PPP2R2B: variants seen among roughly 807,000 people sequenced by gnomAD.
PPP2R2B encodes the protein serine/threonine-protein phosphatase 2A 55 kDa regulatory subunit B beta isoform.
A neutral mutation model predicts 46.0 loss-of-function variants in PPP2R2B; 5 were observed. That is an observed-to-expected ratio of 0.11 (90% CI 0.06 to 0.23). PPP2R2B has a LOEUF of 0.23. PPP2R2B is among the 10% of genes least tolerant of loss of function. The pLI is 1.00. For synonymous variants in PPP2R2B, 215 were observed against 206.7 expected, an observed-to-expected ratio of 1.04 and a Z score of -0.34; for missense variants, 367 against 575.0, an observed-to-expected ratio of 0.64 and a Z score of 3.70.
intron 7 of PPP2R2B, among the ~76,000 whole-genome samples, chr5:146,626,570 T>C (rs1437798164): frequency 6.6e-6 from 1 of 152,198 alleles, no homozygotes; most frequent in Non-Finnish European, 1.5e-5. Context: ...GGGCATTTCC[T>C]TGACTGGGTT....
intron 5 of PPP2R2B, among the ~76,000 whole-genome samples, chr5:146,671,635 T>C (rs1006789509): frequency 6.6e-6 from 1 of 152,222 alleles, no homozygotes; most frequent in African/African-American, 2.4e-5. Context: ...AAGCAGATAC[T>C]ATAAGTGACG....
intron 2 of PPP2R2B, among the ~76,000 whole-genome samples, chr5:146,801,530 G>C (rs1756865294): frequency 6.6e-6 from 1 of 152,158 alleles, no homozygotes; most frequent in Admixed American, 6.5e-5. Context: ...GAGCACAGAA[G>C]ATGCCCTTGG....
intron 5 of PPP2R2B, among the ~76,000 whole-genome samples, chr5:146,690,261 T>C (rs1292655000): frequency 1.3e-5 from 2 of 152,182 alleles, no homozygotes; most frequent in African/African-American, 4.8e-5. Context: ...GAGCTCATCA[T>C]CCAGTCCTAA....
intron 2 of PPP2R2B, among the ~76,000 whole-genome samples, chr5:146,724,255 G>A (rs963890732): frequency 2.0e-4 from 30 of 151,616 alleles, no homozygotes; most frequent in Non-Finnish European, 2.8e-4. Context: ...GTGATCCAGT[G>A]TATTCGATGG....
intron 1 of PPP2R2B, among the ~76,000 whole-genome samples, chr5:146,900,354 T>C (rs1164263546): frequency 1.3e-5 from 2 of 152,122 alleles, no homozygotes; most frequent in Admixed American, 6.5e-5. Flanking sequence ...GAAGATACAA[T>C]GTAGAAACAG....
intron 1 of PPP2R2B, among the ~76,000 whole-genome samples, chr5:146,915,646 A>G (rs319164): frequency 0.021 from 3,183 of 152,226 alleles, 109 homozygotes; most frequent in African/African-American, 0.073. Context: ...AAGAAACATA[A>G]TATTTCCTTA....
chr5:147,003,640 T>C lies in PPP2R2B; in HGVS notation c.79+52025A>G, dbSNP rs529583453. On this transcript the variant is annotated intron_variant, in intron 1 of 8. Coordinates refer to the PPP2R2B transcript ENST00000336640. ...ATGACAGCTGAAGAAAGGGACAAAT[T>C]CTCTACCAGTCAGCAAGCCATCCCC... Among the ~76,000 whole-genome samples, 3 of 152,228 alleles carry C rather than the reference T, an allele frequency of 2.0e-5. No individual in the cohort carries two copies. The South Asian group carries it at 6.2e-4, about 32-fold the overall frequency.
intron 7 of PPP2R2B, among the ~76,000 whole-genome samples, chr5:146,636,722 G>C (rs1306130967): frequency 6.6e-6 from 1 of 152,232 alleles, no homozygotes; most frequent in Non-Finnish European, 1.5e-5. Context: ...ATACATGACA[G>C]CATAAACTTT....
rs143335114 is a variant in PPP2R2B, at chr5:146,661,094, A to G, written c.448-10370T>C. Among the ~76,000 whole-genome samples the G allele has an allele frequency of 7.0e-4, 107 of 152,320 alleles. 1 individual carries two copies. In the East Asian group the frequency reaches 0.017, roughly 24 times the overall value. On this transcript the variant is annotated intron_variant, in intron 5 of 9. Coordinates refer to ENST00000394411, the MANE Select transcript of PPP2R2B (RefSeq NM_181675.4). ...CAGGGCCATAAGCATTCAATCCTCT[A>G]AATCAGTGTTTCTCAATTAGGAGCG...
At chr5:146,890,059 T>C (rs1372170638) in intron 1 of PPP2R2B, among the ~76,000 whole-genome samples, 1 of 152,238 alleles carries the variant, frequency 6.6e-6, no homozygotes, top group Non-Finnish European at 1.5e-5. Context: ...TCTTAACTTT[T>C]GTTTTGCGTC....
chr5:146,872,719 T>C (rs1761685522), intron 2 of PPP2R2B, among the ~76,000 whole-genome samples: 1 of 152,234 alleles, frequency 6.6e-6, no homozygotes, highest in African/African-American at 2.4e-5. Flanking sequence ...TGGACTCTTC[T>C]TATCCTACCA....
chr5:146,662,753 C>A (rs322977), intron 5 of PPP2R2B, among the ~76,000 whole-genome samples: 110,945 of 151,852 alleles, frequency 0.73, 42,867 homozygotes, highest in Non-Finnish European at 0.86. Context: ...TTTTTATAAT[C>A]ATAAAAAGAA....
rs1288989877 is a variant in PPP2R2B, at chr5:146,583,392, C to T, written c.*6555G>A. The T allele has an allele frequency of 1.3e-5, 2 of 152,220 alleles. No individual in the cohort carries two copies. The highest frequency in any genetic ancestry group is 2.9e-5 in the Non-Finnish European group (2 of 68,040). The allele number at this position is 152,220 out of a possible 1,614,324, so 9.4% of individuals were successfully genotyped here. A position where few individuals can be genotyped will look rare whatever the true frequency, so the allele number is the denominator to read the frequency against. On this transcript the variant is annotated 3_prime_UTR_variant, in exon 10 of 10. Transcript: ENST00000394411. ...ATATTAAATCATGCAATCTTCACAG[C>T]AATTTTATGAGATAGATGTCGTTTT...
At chr5:147,005,105 C>T (rs947563998) in intron 1 of PPP2R2B, among the ~76,000 whole-genome samples, 1 of 152,148 alleles carries the variant, frequency 6.6e-6, no homozygotes, top group African/African-American at 2.4e-5. Context: ...GTGTGAGGCC[C>T]TCAACCCTGC....
At chr5:146,926,361 T>C (rs752475543) in intron 1 of PPP2R2B, among the ~76,000 whole-genome samples, 1 of 152,064 alleles carries the variant, frequency 6.6e-6, no homozygotes, top group African/African-American at 2.4e-5. Flanking sequence ...AAAATATATA[T>C]ACATTCCTGA....
At chr5:146,675,105 G>A (rs1777621642) in intron 5 of PPP2R2B, among the ~76,000 whole-genome samples, 1 of 152,078 alleles carries the variant, frequency 6.6e-6, no homozygotes. Context: ...GGGATTACAG[G>A]CATGCGCCAC....
Position 146,695,721 on chromosome 5 carries a change from G to T in PPP2R2B, c.334+2258C>A, listed in dbSNP as rs558992846. On this transcript the variant is annotated intron_variant, in intron 4 of 9. Coordinates refer to ENST00000394411, the MANE Select transcript of PPP2R2B (RefSeq NM_181675.4). ...AATGACTTTTTCTTTCTTCTTGCTG[G>T]TTCTCTGAGTAGTTTATCATCGCTT... Among the ~76,000 whole-genome samples the T allele has an allele frequency of 1.9e-3, 293 of 152,146 alleles. 1 individual carries two copies. The highest frequency in any genetic ancestry group is 2.7e-3 in the Non-Finnish European group (185 of 67,988).
chr5:147,037,011 A>G (rs1756069246), intron 1 of PPP2R2B, among the ~76,000 whole-genome samples: 1 of 152,184 alleles, frequency 6.6e-6, no homozygotes, highest in Non-Finnish European at 1.5e-5. Flanking sequence ...TTATGACTCA[A>G]GTTTTTAGAT....
At chr5:146,766,305 GA>G (rs1323036044) in intron 2 of PPP2R2B, among the ~76,000 whole-genome samples, 2 of 151,676 alleles carry the variant, frequency 1.3e-5, no homozygotes, top group East Asian at 1.9e-4. Context: ...AGATGTCTGG[GA>G]AAAAAAAGAG....
Sources: allele counts gnomAD v4.1 joint callset (sites outside exome capture counted in the v4.1 genomes callset), GRCh38; gene constraint gnomAD v4.1.1; transcripts MANE v1.5; gene names NCBI Gene and HGNC (gene_info 2026-07-23, HGNC 2026-07-21).